SPAG16: variants seen among roughly 807,000 people sequenced by gnomAD.
SPAG16 encodes sperm-associated antigen 16 protein.
In SPAG16, 86 loss-of-function variants were observed where a neutral mutation model predicts 80.4. The observed-to-expected ratio is 1.07, with a 90% CI of 0.90 to 1.28. SPAG16 has a LOEUF of 1.28. Among genes scored for constraint, SPAG16 ranks in the 50% most tolerant of loss-of-function variants. SPAG16 has a pLI of 0.00. For synonymous variants in SPAG16, 294 were observed against 265.9 expected, an observed-to-expected ratio of 1.11 and a Z score of -1.03; for missense variants, 870 against 765.3, an observed-to-expected ratio of 1.14 and a Z score of -1.61.
At chr2:213,298,375 A>G (rs927828448) in intron 3 of SPAG16, among the ~76,000 whole-genome samples, 1 of 152,226 alleles carries the variant, frequency 6.6e-6, no homozygotes, top group African/African-American at 2.4e-5. Flanking sequence ...TTTAAAATGT[A>G]TGAATAGCAT....
At chr2:213,631,206 A>G (rs1013879768) in intron 10 of SPAG16, among the ~76,000 whole-genome samples, 3 of 152,180 alleles carry the variant, frequency 2.0e-5, no homozygotes, top group Non-Finnish European at 4.4e-5. Context: ...CCCCCAAAAA[A>G]AGACCAATTT....
intron 11 of SPAG16, among the ~76,000 whole-genome samples, chr2:213,901,180 A>G (rs990612969): frequency 2.2e-4 from 33 of 152,294 alleles, no homozygotes; most frequent in African/African-American, 7.5e-4. Flanking sequence ...TACTTTATGG[A>G]TATTCATTAA....
intron 6 of SPAG16, 45 bp downstream of exon 6, chr2:213,340,315 A>G (rs749483051): frequency 3.9e-6 from 5 of 1,268,764 alleles, no homozygotes; most frequent in South Asian, 2.6e-5. Flanking sequence ...GTTATTTAAT[A>G]CATGTTAAGT....
chr2:214,044,185 T>C (rs1202753149), intron 13 of SPAG16, among the ~76,000 whole-genome samples: 1 of 152,220 alleles, frequency 6.6e-6, no homozygotes, highest in Non-Finnish European at 1.5e-5. Context: ...AATATCATAA[T>C]AGCAATCTTT....
chr2:214,285,803 AAAT>A (rs961018193), intron 15 of SPAG16, among the ~76,000 whole-genome samples: 1 of 152,060 alleles, frequency 6.6e-6, no homozygotes, highest in Non-Finnish European at 1.5e-5. Context: ...ACTCCATCTC[AAAT>A]AATAATAATA....
intron 15 of SPAG16, among the ~76,000 whole-genome samples, chr2:214,260,608 A>G (rs941374960): frequency 6.6e-6 from 1 of 152,082 alleles, no homozygotes; most frequent in Non-Finnish European, 1.5e-5. Context: ...ACTCCTATTA[A>G]GTCTTGTTCT....
At chr2:213,531,106 ATG>A (rs764119212) in intron 10 of SPAG16, among the ~76,000 whole-genome samples, 5 of 151,948 alleles carry the variant, frequency 3.3e-5, no homozygotes, top group Admixed American at 6.6e-5. Context: ...ATATTTAGCA[ATG>A]TGGGATGAGT....
rs546039553 is a variant in SPAG16, at chr2:213,445,904, A to T, written c.943-44059A>T. Among the ~76,000 whole-genome samples the T allele has an allele frequency of 7.2e-5, 11 of 152,208 alleles. 1 individual carries two copies. The highest frequency in any genetic ancestry group is 2.6e-4 in the African/African-American group (11 of 41,530). On this transcript the variant is annotated intron_variant, in intron 9 of 15. Coordinates refer to ENST00000331683, the MANE Select transcript of SPAG16 (RefSeq NM_024532.5). ...AAACAGTATAGAGGTTCCTCAAAAA[A>T]CCCTGAGGGACCAGAGAACCAAGCT...
intron 10 of SPAG16, among the ~76,000 whole-genome samples, chr2:213,858,662 G>T (rs2075280411): frequency 6.6e-6 from 1 of 152,070 alleles, no homozygotes; most frequent in South Asian, 2.1e-4. Flanking sequence ...GCCATTGAAT[G>T]AATTTATGTA....
intron 10 of SPAG16, among the ~76,000 whole-genome samples, chr2:213,607,654 T>C (rs1040127788): frequency 6.6e-6 from 1 of 152,198 alleles, no homozygotes; most frequent in African/African-American, 2.4e-5. Context: ...AATCTACTGA[T>C]TCAAAACCCA....
intron 15 of SPAG16, among the ~76,000 whole-genome samples, chr2:214,197,524 C>T (rs1417369123): frequency 6.6e-6 from 1 of 151,830 alleles, no homozygotes; most frequent in Admixed American, 6.6e-5. Context: ...TATGAATGGA[C>T]TATAAATAAA....
At chr2:213,317,410 G>A (rs934893785) in intron 5 of SPAG16, 54 bp downstream of exon 5, 4 of 1,550,006 alleles carry the variant, frequency 2.6e-6, no homozygotes, top group Non-Finnish European at 3.5e-6. Context: ...CTAAATAAAA[G>A]AGTTGAGTGA....
At chr2:214,037,570 T>G (rs1388051234) in intron 13 of SPAG16, among the ~76,000 whole-genome samples, 1 of 152,138 alleles carries the variant, frequency 6.6e-6, no homozygotes, top group African/African-American at 2.4e-5. Context: ...TTCTATATCC[T>G]GTTCTGTGTG....
intron 10 of SPAG16, among the ~76,000 whole-genome samples, chr2:213,600,346 A>G (rs575027049): frequency 6.6e-6 from 1 of 152,294 alleles, no homozygotes; most frequent in African/African-American, 2.4e-5. Flanking sequence ...GTCTTCAGCC[A>G]TGGATTCTCT....
At chr2:213,641,986 A>G (rs1350720511) in intron 10 of SPAG16, among the ~76,000 whole-genome samples, 3 of 152,238 alleles carry the variant, frequency 2.0e-5, no homozygotes, top group Non-Finnish European at 4.4e-5. Context: ...TCATGAGAAC[A>G]GCATGGGGAA....
chr2:213,290,202 G>A (rs961868040), intron 1 of SPAG16, among the ~76,000 whole-genome samples: 1 of 152,182 alleles, frequency 6.6e-6, no homozygotes, highest in Non-Finnish European at 1.5e-5. Flanking sequence ...GTTCACCCAT[G>A]GTGACTAAAT....
chr2:213,303,245 G>A (rs1425278579), intron 3 of SPAG16, among the ~76,000 whole-genome samples: 2 of 151,644 alleles, frequency 1.3e-5, no homozygotes, highest in South Asian at 2.1e-4. Context: ...TGGAAGAATA[G>A]TCCAGTTTTT....
chr2:213,916,797 A>C (rs2077992760), intron 11 of SPAG16, among the ~76,000 whole-genome samples: 1 of 152,176 alleles, frequency 6.6e-6, no homozygotes, highest in South Asian at 2.1e-4. Context: ...CTTAAGTTTA[A>C]TTAGGTCACA....
rs535713226 is a variant in SPAG16, at chr2:213,651,291, G to A, written c.1070+161201G>A. On this transcript the variant is annotated intron_variant, in intron 10 of 15. Transcript: ENST00000331683. ...AAGACTCTAGGGCAGGATCAGTCAG[G>A]AAGGAAAAAGAAGGATGTAAAGTGG... Among the ~76,000 whole-genome samples, 13 of 152,222 alleles carry A rather than the reference G, an allele frequency of 8.5e-5. No homozygotes were observed. In the South Asian group the frequency reaches 2.5e-3, roughly 29 times the overall value.
Sources: allele counts gnomAD v4.1 joint callset (sites outside exome capture counted in the v4.1 genomes callset), GRCh38; gene constraint gnomAD v4.1.1; transcripts MANE v1.5; gene names NCBI Gene and HGNC (gene_info 2026-07-23, HGNC 2026-07-21).